The following ASH1L variants were observed in gnomAD, a reference collection of about 807,000 sequenced individuals.
ASH1L encodes the protein histone-lysine N-methyltransferase ASH1L.
In ASH1L, 23 loss-of-function variants were observed where a neutral mutation model predicts 269.0. That is an observed-to-expected ratio of 0.09 (90% CI 0.06 to 0.12). The LOEUF is 0.12. ASH1L is among the 10% of genes least tolerant of loss of function. ASH1L has a pLI of 1.00. For synonymous variants in ASH1L, 1,187 were observed against 1,253.5 expected, an observed-to-expected ratio of 0.95 and a Z score of 1.12; for missense variants, 2,912 against 3,567.8, an observed-to-expected ratio of 0.82 and a Z score of 4.68.
chr1:155,506,403 G>A (rs559590625), intron 2 of ASH1L, among the ~76,000 whole-genome samples: 2 of 152,258 alleles, frequency 1.3e-5, no homozygotes, highest in South Asian at 2.1e-4. Context: ...TCTTATTTAA[G>A]AAACAACATT....
At chr1:155,485,367 G>A (rs946124015) in intron 2 of ASH1L, among the ~76,000 whole-genome samples, 36 of 151,962 alleles carry the variant, frequency 2.4e-4, no homozygotes, top group Admixed American at 1.1e-3. Context: ...CACCCAGGCT[G>A]GAGTGCAATG....
chr1:155,394,658 T>C (rs1272459464), intron 7 of ASH1L, among the ~76,000 whole-genome samples: 1 of 152,214 alleles, frequency 6.6e-6, no homozygotes, highest in Non-Finnish European at 1.5e-5. Context: ...ACTTTTTACT[T>C]ATCTGATAAG....
At chr1:155,484,636 A>G (rs1012271821) in intron 2 of ASH1L, among the ~76,000 whole-genome samples, 9 of 151,616 alleles carry the variant, frequency 5.9e-5, no homozygotes, top group Admixed American at 6.6e-5. Flanking sequence ...AAACAAACAA[A>G]CAAGCAAGCC....
At chr1:155,354,229 G>A (rs989833213) in intron 16 of ASH1L, among the ~76,000 whole-genome samples, 1 of 152,216 alleles carries the variant, frequency 6.6e-6, no homozygotes, top group Non-Finnish European at 1.5e-5. Flanking sequence ...CAAGGCAGGA[G>A]GTCAGGAGTT....
At chr1:155,421,584 T>C (rs1422834731) in intron 5 of ASH1L, among the ~76,000 whole-genome samples, 2 of 150,528 alleles carry the variant, frequency 1.3e-5, no homozygotes, top group Non-Finnish European at 3.0e-5. Context: ...GGCAGGAGAA[T>C]GGCATGAACC....
intron 1 of ASH1L, among the ~76,000 whole-genome samples, chr1:155,552,491 T>A (rs1025821300): frequency 6.6e-6 from 1 of 150,472 alleles, no homozygotes. Context: ...GAAGTTTTGA[T>A]AGAAACTACA....
chr1:155,465,431 C>T (rs886542539), intron 3 of ASH1L, among the ~76,000 whole-genome samples: 2 of 151,660 alleles, frequency 1.3e-5, no homozygotes, highest in East Asian at 3.9e-4. Context: ...GAGATCAACA[C>T]TAAAGACACA....
intron 1 of ASH1L, among the ~76,000 whole-genome samples, chr1:155,534,010 G>T (rs966235744): frequency 1.3e-5 from 2 of 151,622 alleles, no homozygotes; most frequent in African/African-American, 4.8e-5. Flanking sequence ...TTGGTCTCAT[G>T]AACTTTAAGT....
chr1:155,521,313 T>A lies in ASH1L; in HGVS notation c.207A>T (p.Ala69=). Residue 69 remains alanine, a synonymous_variant, in exon 2 of 28, where the codon GCA becomes GCT. Transcript: ENST00000392403. The stretch of plus-strand genomic sequence containing the variant: ...TTTCTTTCACTGAAAACTGTTGCTG[T>A]GCATCAGTCAAACCATCATCTTTCC... ...EAGKDDGLTD[A]QQQFSVKETN... The A allele has an allele frequency of 5.6e-6, 9 of 1,614,016 alleles. No individual in the cohort carries two copies. The highest frequency in any genetic ancestry group is 7.6e-6 in the Non-Finnish European group (9 of 1,179,864).
intron 2 of ASH1L, among the ~76,000 whole-genome samples, chr1:155,505,167 C>A (rs1667733439): frequency 6.6e-6 from 1 of 152,130 alleles, no homozygotes; most frequent in African/African-American, 2.4e-5. Flanking sequence ...CTGTCAAATT[C>A]TTGTTTTACA....
intron 3 of ASH1L, among the ~76,000 whole-genome samples, chr1:155,469,287 A>T (rs1664917002): frequency 6.6e-6 from 1 of 151,992 alleles, no homozygotes; most frequent in African/African-American, 2.4e-5. Context: ...GGTTCAAGCA[A>T]TTCTCCTGCC....
chr1:155,559,467 A>G (rs1215103636), intron 1 of ASH1L, among the ~76,000 whole-genome samples: 1 of 150,864 alleles, frequency 6.6e-6, no homozygotes, highest in Non-Finnish European at 1.5e-5. Flanking sequence ...CCCAGGAGGC[A>G]GAGGTTGCAG....
chr1:155,387,945 T>C (rs1185262233), intron 7 of ASH1L, among the ~76,000 whole-genome samples: 2 of 152,192 alleles, frequency 1.3e-5, no homozygotes, highest in African/African-American at 2.4e-5. Flanking sequence ...TAACTGTTAT[T>C]GGTGTATAGG....
At chr1:155,545,630 A>G (rs1670757159) in intron 1 of ASH1L, among the ~76,000 whole-genome samples, 1 of 151,866 alleles carries the variant, frequency 6.6e-6, no homozygotes, top group Non-Finnish European at 1.5e-5. Context: ...GGAAGGAAAA[A>G]AAAAAAGGAA....
chr1:155,442,898 T>C (rs1662713274), intron 4 of ASH1L, among the ~76,000 whole-genome samples: 1 of 152,170 alleles, frequency 6.6e-6, no homozygotes, highest in South Asian at 2.1e-4. Flanking sequence ...AGTGAGGACA[T>C]AATTTCCTGA....
At chr1:155,389,055 G>C (rs924568268) in intron 7 of ASH1L, among the ~76,000 whole-genome samples, 4 of 150,830 alleles carry the variant, frequency 2.7e-5, no homozygotes, top group Non-Finnish European at 4.4e-5. Flanking sequence ...ACGCAGGCTG[G>C]AGTGCAATGG....
intron 3 of ASH1L, among the ~76,000 whole-genome samples, chr1:155,464,413 C>A (rs765459448): frequency 6.6e-6 from 1 of 151,982 alleles, no homozygotes; most frequent in Non-Finnish European, 1.5e-5. Context: ...AATATTACTA[C>A]GTAGACCACC....
At chr1:155,515,760 G>A (rs1211438572) in intron 2 of ASH1L, among the ~76,000 whole-genome samples, 5 of 150,724 alleles carry the variant, frequency 3.3e-5, no homozygotes, top group Admixed American at 1.3e-4. Context: ...CCCAGGAGGC[G>A]GAGGCTGCAG....
In ASH1L at chr1:155,480,135, G is replaced by A; in HGVS notation, c.2735C>T (p.Pro912Leu). The change falls in exon 3 of 28, where the codon CCA (proline) becomes CTA (leucine). Residue 912 changes from proline to leucine, a missense_variant. Pro to Leu is a moderately conservative substitution (Grantham distance 98). Transcript: ENST00000392403. ...GCTTGGACTTTCAGTGGCAACAAAT[G>A]GAGCCACTGACAGTACAGGTGGCTT... is the stretch of plus-strand genomic sequence containing the variant. ...KMKPPVLSVA[P>L]FVATESPSKL... is the part of the protein sequence containing the mutation. The A allele has an allele frequency of 1.2e-6, 2 of 1,614,074 alleles. No homozygotes were observed. The highest frequency in any genetic ancestry group is 2.2e-5 in the East Asian group (1 of 44,874).
Sources: allele counts gnomAD v4.1 joint callset (sites outside exome capture counted in the v4.1 genomes callset), GRCh38; gene constraint gnomAD v4.1.1; transcripts MANE v1.5; gene names NCBI Gene and HGNC (gene_info 2026-07-23, HGNC 2026-07-21).